RABGAP1L: variants seen among roughly 807,000 people sequenced by gnomAD.
RABGAP1L encodes the protein RAB GTPase activating protein 1 like.
RABGAP1L carries 63 observed loss-of-function variants against 137.7 expected under a neutral mutation model. The observed-to-expected ratio is 0.46, with a 90% CI of 0.37 to 0.56. The LOEUF (loss-of-function observed/expected upper bound fraction) is 0.56. Ranked by LOEUF, RABGAP1L falls within the 20% of genes least tolerant of loss-of-function variation. The pLI is 0.00. For missense variants in RABGAP1L, 1,095 were observed against 1,244.0 expected (o/e 0.88, Z 1.80); for synonymous variants, 431 against 433.7 (o/e 0.99, Z 0.08).
At chr1:174,227,852 G>GTT (rs74263820) in intron 3 of RABGAP1L, among the ~76,000 whole-genome samples, 5,254 of 132,804 alleles carry the variant, frequency 0.04, 315 homozygotes, top group African/African-American at 0.13. Flanking sequence ...AAATACTGTG[G>GTT]TTTTTTTTTT....
chr1:174,374,274 T>C (rs979759070), intron 12 of RABGAP1L, among the ~76,000 whole-genome samples: 4 of 152,180 alleles, frequency 2.6e-5, no homozygotes, highest in African/African-American at 9.7e-5. Context: ...ACGTGTCTCC[T>C]GCGGCAGCTC....
At chr1:174,747,016 G>T (rs1207889780) in intron 17 of RABGAP1L, among the ~76,000 whole-genome samples, 3 of 152,092 alleles carry the variant, frequency 2.0e-5, no homozygotes, top group African/African-American at 7.2e-5. Flanking sequence ...CTACGTACAT[G>T]TTTTCCCCTT....
intron 13 of RABGAP1L, among the ~76,000 whole-genome samples, chr1:174,580,245 G>A (rs1400802233): frequency 6.6e-6 from 1 of 152,142 alleles, no homozygotes; most frequent in Non-Finnish European, 1.5e-5. Context: ...TAAAGATTGA[G>A]TATTCAGCCA....
In RABGAP1L at chr1:174,239,137, G is replaced by A. The variant is rs532181246; in HGVS notation, c.543-2346G>A. ...CGCCCTGCTTCGGCTCGCGCACCGT[G>A]CGCGCACCAACTGGCCTGCGCCCAC... On this transcript the variant is annotated intron_variant, in intron 4 of 25. Coordinates refer to ENST00000681986, the MANE Select transcript of RABGAP1L (RefSeq NM_001366446.1). Among the ~76,000 whole-genome samples the A allele has an allele frequency of 1.5e-4, 23 of 152,272 alleles. No individual in the cohort carries two copies. In the South Asian group the frequency reaches 4.8e-3, roughly 32 times the overall value.
chr1:174,420,682 T>G (rs80253102), intron 13 of RABGAP1L, among the ~76,000 whole-genome samples: 5,214 of 150,580 alleles, frequency 0.035, 123 homozygotes, highest in Middle Eastern at 0.086. Flanking sequence ...GTTTTGTTTT[T>G]TTTTTTTTTT....
chr1:174,356,988 C>G (rs1683697866), intron 11 of RABGAP1L, among the ~76,000 whole-genome samples: 2 of 151,618 alleles, frequency 1.3e-5, no homozygotes, highest in African/African-American at 4.8e-5. Context: ...AGTGGTAGTC[C>G]TACTGTATGG....
At chr1:174,512,417 G>A (rs1334002294) in intron 13 of RABGAP1L, among the ~76,000 whole-genome samples, 1 of 152,164 alleles carries the variant, frequency 6.6e-6, no homozygotes, top group East Asian at 1.9e-4. Flanking sequence ...TGAAATGTAT[G>A]GTGGTAGGTG....
chr1:174,734,998 T>A (rs1682816325), intron 17 of RABGAP1L, among the ~76,000 whole-genome samples: 1 of 150,306 alleles, frequency 6.7e-6, no homozygotes, highest in African/African-American at 2.5e-5. Flanking sequence ...GGTCTCACTT[T>A]GTTGCCCAGG....
At chr1:174,705,413 T>G (rs900489221) in intron 17 of RABGAP1L, 3 of 152,188 alleles carry the variant, frequency 2.0e-5, no homozygotes, top group African/African-American at 7.2e-5. Flanking sequence ...AGCCTTCCCG[T>G]CACTTGTCAA....
chr1:174,841,766 C>A (rs1693433596), intron 19 of RABGAP1L, among the ~76,000 whole-genome samples: 1 of 151,598 alleles, frequency 6.6e-6, no homozygotes. Context: ...ATTTGAGAAC[C>A]TAGAAGAAAT....
chr1:174,439,173 A>G (rs922800916), intron 13 of RABGAP1L, among the ~76,000 whole-genome samples: 1 of 151,600 alleles, frequency 6.6e-6, no homozygotes, highest in Non-Finnish European at 1.5e-5. Context: ...TTTCACCATT[A>G]AATATTTCAC....
At chr1:174,586,850 C>T (rs1426605098) in intron 13 of RABGAP1L, among the ~76,000 whole-genome samples, 2 of 152,104 alleles carry the variant, frequency 1.3e-5, no homozygotes, top group African/African-American at 4.8e-5. Context: ...TCTGCTTTGG[C>T]CCCCCAAAGT....
chr1:174,839,420 CTA>C (rs1213850683), intron 19 of RABGAP1L, among the ~76,000 whole-genome samples: 1 of 152,146 alleles, frequency 6.6e-6, no homozygotes, highest in Non-Finnish European at 1.5e-5. Flanking sequence ...TACAGCTGTT[CTA>C]TGAGTTCAGT....
chr1:174,887,129 TC>T lies in RABGAP1L; in HGVS notation c.2341-70326del, dbSNP rs564175073. Among the ~76,000 whole-genome samples, 38 of 152,232 alleles carry T rather than the reference TC, an allele frequency of 2.5e-4. No individual in the cohort carries two copies. In the South Asian group the frequency reaches 6.0e-3, roughly 24 times the overall value. ...CTCACGCTTTGGCTTTTGTCCATGTTCCATTGACCAAACAAATCAAAAGGCC... is the reference window on the plus strand; with the variant it reads ...CTCACGCTTTGGCTTTTGTCCATGTTCATTGACCAAACAAATCAAAAGGCC... On this transcript the variant is annotated intron_variant, in intron 19 of 25. Transcript: ENST00000681986.
intron 19 of RABGAP1L, among the ~76,000 whole-genome samples, chr1:174,881,440 C>A (rs974622816): frequency 2.1e-5 from 3 of 142,516 alleles, no homozygotes. Context: ...GGGTTTGGTT[C>A]ATCTGGAAAA....
chr1:174,852,741 A>G (rs924580239), intron 19 of RABGAP1L, among the ~76,000 whole-genome samples: 2 of 151,906 alleles, frequency 1.3e-5, no homozygotes, highest in Non-Finnish European at 2.9e-5. Flanking sequence ...ACTTGAACCC[A>G]GGAGACAGAG....
intron 17 of RABGAP1L, among the ~76,000 whole-genome samples, chr1:174,723,926 A>G (rs1681785712): frequency 6.6e-6 from 1 of 152,232 alleles, no homozygotes; most frequent in Admixed American, 6.5e-5. Flanking sequence ...TGTTTGAGAA[A>G]AGTAATTCTG....
chr1:174,619,720 A>C (rs1672258531), intron 13 of RABGAP1L, among the ~76,000 whole-genome samples: 1 of 152,232 alleles, frequency 6.6e-6, no homozygotes, highest in Non-Finnish European at 1.5e-5. Context: ...GCTAGGAAGA[A>C]ACTGCATCAA....
At chr1:174,187,004 C>A (rs1222348923) in intron 1 of RABGAP1L, among the ~76,000 whole-genome samples, 2 of 152,072 alleles carry the variant, frequency 1.3e-5, no homozygotes, top group Non-Finnish European at 2.9e-5. Context: ...ATCTACTTAT[C>A]CTTAGGTTTT....
Sources: gnomAD v4.1 joint callset for allele counts (sites outside exome capture counted in the v4.1 genomes callset) on GRCh38, gnomAD v4.1.1 for gene constraint, MANE v1.5 for transcripts, NCBI Gene and HGNC (gene_info 2026-07-23, HGNC 2026-07-21) for gene names.